VPS8: variants seen among roughly 807,000 people sequenced by gnomAD.
The protein encoded by VPS8 is VPS8 subunit of CORVET complex, also known as vacuolar protein sorting-associated protein 8 homolog.
Under a neutral mutation model 216.4 loss-of-function variants are expected in VPS8, and 129 were observed. The ratio of observed to expected loss-of-function variants is 0.60; its 90% CI spans 0.52 to 0.69. The LOEUF (loss-of-function observed/expected upper bound fraction) is 0.69, where lower values mean the gene tolerates loss of function less well. Among genes scored for constraint, VPS8 ranks in the 30% least tolerant of loss-of-function variants. The pLI is 0.00. For missense variants in VPS8, 1,531 were observed against 1,683.5 expected (o/e 0.91, Z 1.59); for synonymous variants, 571 against 565.4 (o/e 1.01, Z -0.14).
intron 29 of VPS8, among the ~76,000 whole-genome samples, chr3:184,921,890 G>T (rs1182362896): frequency 1.3e-5 from 2 of 152,078 alleles, no homozygotes; most frequent in African/African-American, 4.8e-5. Context: ...TCTAAGTTAG[G>T]AGGGAAGACT....
At chr3:184,919,122 T>C (rs969177188) in intron 28 of VPS8, 7 of 152,202 alleles carry the variant, frequency 4.6e-5, no homozygotes, top group Non-Finnish European at 1.5e-5. Context: ...AAAGGTACTT[T>C]GGAGAAATTG....
chr3:184,894,529 TATACAC>T (rs768181257), intron 22 of VPS8, among the ~76,000 whole-genome samples, 168 bp from the exon 23 acceptor site: 17 of 144,072 alleles, frequency 1.2e-4, no homozygotes, highest in African/African-American at 4.2e-4. Context: ...TATATATATA[TATACAC>T]ACACACACAA....
rs185264743 is a variant in VPS8 at position 185,052,236 on chromosome 3, G to C, written c.*211G>C. 411 of 477,442 alleles carry C rather than the reference G, an allele frequency of 8.6e-4. 1 individual carries two copies. Among genetic ancestry groups the C allele is most frequent in the African/African-American group, 7.7e-3 (384 of 49,702 alleles). 29.6% of individuals were successfully genotyped at this position (477,442 alleles called of 1,614,324 possible). On this transcript the variant is annotated 3_prime_UTR_variant, in exon 48 of 48. Coordinates refer to ENST00000625842, the MANE Select transcript of VPS8 (RefSeq NM_001009921.3). ...TTGCTGTCATGGCGTCAGTTCACCA[G>C]ACTCATTGATTTTGTTTTGCTTGTT...
At chr3:184,944,767 T>C (rs1227976482) in intron 36 of VPS8, among the ~76,000 whole-genome samples, 2 of 152,176 alleles carry the variant, frequency 1.3e-5, no homozygotes, top group Non-Finnish European at 2.9e-5. Flanking sequence ...AAGTAAAAAT[T>C]GAACATTGTT....
intron 22 of VPS8, among the ~76,000 whole-genome samples, chr3:184,894,136 A>G (rs1732887745): frequency 2.0e-5 from 3 of 152,206 alleles, no homozygotes; most frequent in Non-Finnish European, 4.4e-5. Flanking sequence ...TCTTCCATGA[A>G]TAATCACTAG....
At chr3:184,964,826 G>T (rs1747121492) in intron 38 of VPS8, among the ~76,000 whole-genome samples, 1 of 152,078 alleles carries the variant, frequency 6.6e-6, no homozygotes, top group African/African-American at 2.4e-5. Context: ...CAATCTGTTT[G>T]CCCATTCCTC....
At chr3:184,836,911 C>T (rs1721198186) in intron 5 of VPS8, among the ~76,000 whole-genome samples, 1 of 152,114 alleles carries the variant, frequency 6.6e-6, no homozygotes, top group African/African-American at 2.4e-5. Context: ...TGTGACTATA[C>T]TTTAAAATAA....
chr3:184,883,459 C>T (rs1184542612), intron 21 of VPS8, among the ~76,000 whole-genome samples: 1 of 152,148 alleles, frequency 6.6e-6, no homozygotes, highest in African/African-American at 2.4e-5. Flanking sequence ...CTTATGTCAT[C>T]TTGTGACCTC....
At chr3:185,036,977 A>G (rs1255369738) in intron 46 of VPS8, among the ~76,000 whole-genome samples, 1 of 151,896 alleles carries the variant, frequency 6.6e-6, no homozygotes, top group East Asian at 1.9e-4. Flanking sequence ...ATTTTATATG[A>G]CTGCTTTTTA....
chr3:185,045,785 A>G (rs1177491182), intron 46 of VPS8, among the ~76,000 whole-genome samples: 2 of 148,082 alleles, frequency 1.4e-5, no homozygotes, highest in Middle Eastern at 3.4e-3. Flanking sequence ...AAAAAAAAAA[A>G]GAGGTCTGTG....
chr3:184,825,677 G>A (rs1718607476), intron 2 of VPS8, among the ~76,000 whole-genome samples: 1 of 152,148 alleles, frequency 6.6e-6, no homozygotes, highest in African/African-American at 2.4e-5. Flanking sequence ...CGAGATGGGT[G>A]GATCACTTGA....
At chr3:184,872,447 T>A (rs1418958262) in intron 21 of VPS8, among the ~76,000 whole-genome samples, 1 of 152,076 alleles carries the variant, frequency 6.6e-6, no homozygotes, top group Non-Finnish European at 1.5e-5. Context: ...TTCCTGTAGA[T>A]GGTGGTTTCT....
intron 46 of VPS8, among the ~76,000 whole-genome samples, chr3:185,024,678 A>G (rs931459260): frequency 6.6e-6 from 1 of 152,192 alleles, no homozygotes; most frequent in African/African-American, 2.4e-5. Flanking sequence ...AAAGATATTC[A>G]CAGGAAAGCT....
intron 25 of VPS8, among the ~76,000 whole-genome samples, chr3:184,904,218 T>G (rs79556973): frequency 0.018 from 2,792 of 152,306 alleles, 96 homozygotes; most frequent in African/African-American, 0.064. Context: ...GATGCCTTTC[T>G]TTTTATTCCC....
In VPS8 at chr3:184,924,723, A is replaced by G. The variant is rs913048889; in HGVS notation, c.2455-139A>G. ...TTGTGCTTATTCTAAATGGCGTTGA[A>G]TTCAATTGTTGCACAGTCAATAAAA... is the stretch of plus-strand genomic sequence containing the variant. On this transcript the variant is annotated intron_variant, in intron 29 of 47. Transcript: ENST00000625842. 6 of 1,122,362 alleles carry G rather than the reference A, an allele frequency of 5.3e-6. No individual in the cohort carries two copies. In the African/African-American group the frequency reaches 7.9e-5, roughly 15 times the overall value. 69.5% of individuals were successfully genotyped at this position (1,122,362 alleles called of 1,614,324 possible).
rs148656583 is a variant in VPS8, at chr3:185,023,598, C to T, written c.4003-738C>T. On this transcript the variant is annotated intron_variant, in intron 45 of 47. Transcript: ENST00000625842. ...CACTGAACCTGGGAGGCGGAGGTTG[C>T]AATGAGCCAAGATCGTGCCATTGCA... Among the ~76,000 whole-genome samples, 57 of 152,088 alleles carry T rather than the reference C, an allele frequency of 3.7e-4. No homozygotes were observed. In the East Asian group the frequency reaches 0.011, roughly 29 times the overall value.
At chr3:184,981,411 C>T (rs1750176760) in intron 40 of VPS8, among the ~76,000 whole-genome samples, 1 of 144,952 alleles carries the variant, frequency 6.9e-6, no homozygotes, top group East Asian at 2.0e-4. Context: ...TTCATGGGAG[C>T]AGGGCAGCAG....
chr3:184,934,463 G>T (rs762327188), intron 34 of VPS8, among the ~76,000 whole-genome samples: 19 of 152,146 alleles, frequency 1.2e-4, no homozygotes, highest in Admixed American at 2.6e-4. Flanking sequence ...GAGCCACCAC[G>T]CCCAGCCCCA....
chr3:185,003,266 A>G (rs1441646369), intron 45 of VPS8, among the ~76,000 whole-genome samples: 2 of 143,646 alleles, frequency 1.4e-5, no homozygotes, highest in Admixed American at 6.9e-5. Context: ...AAGTGAACAA[A>G]GGTCTCTGGT....
Sources: allele counts gnomAD v4.1 joint callset (sites outside exome capture counted in the v4.1 genomes callset), GRCh38; gene constraint gnomAD v4.1.1; transcripts MANE v1.5; gene names NCBI Gene and HGNC (gene_info 2026-07-23, HGNC 2026-07-21).